Variants in AKAIN1 observed in about 807,000 individuals in gnomAD.
The protein encoded by AKAIN1 is A-kinase anchor inhibitor 1, also known as A-kinase anchor protein inhibitor 1.
Under a neutral mutation model 3.7 loss-of-function variants are expected in AKAIN1, and 3 were observed. That is an observed-to-expected ratio of 0.82 (90% CI 0.37 to 2.12). AKAIN1 has a LOEUF of 2.12. AKAIN1 is among the 30% of genes most tolerant of loss of function. The probability of loss-of-function intolerance (pLI) is 0.06; values close to 1 mark genes in which losing one functional copy is unlikely to be tolerated. For missense variants in AKAIN1, 82 were observed against 82.7 expected (o/e 0.99, Z 0.03); for synonymous variants, 31 against 30.8 (o/e 1.01, Z -0.02).
intron 1 of AKAIN1, among the ~76,000 whole-genome samples, chr18:5,150,013 T>C (rs937409620): frequency 6.6e-6 from 1 of 152,196 alleles, no homozygotes; most frequent in Non-Finnish European, 1.5e-5. Flanking sequence ...ATAGGTTGAA[T>C]AACAAGGTTT....
rs1443609504 is a variant in AKAIN1, at chr18:5,172,495, T to C, written c.16+24543A>G. Reference sequence around the variant, plus strand: ...TAAAGAATGACTCATCTTTGATAATTAGTCATATTGATTTCTTGTGGCATT... The same window carrying C: ...TAAAGAATGACTCATCTTTGATAATCAGTCATATTGATTTCTTGTGGCATT... On this transcript the variant is annotated intron_variant, in intron 1 of 1. Transcript: ENST00000434239. Among the ~76,000 whole-genome samples, 3 of 152,090 alleles carry C rather than the reference T, an allele frequency of 2.0e-5. No homozygotes were observed. In the East Asian group the frequency reaches 5.8e-4, roughly 29 times the overall value.
chr18:5,193,979 T>C (rs117202187), intron 1 of AKAIN1, among the ~76,000 whole-genome samples: 2,714 of 152,210 alleles, frequency 0.018, 42 homozygotes, highest in Middle Eastern at 0.061. Context: ...ACGTTCAGTT[T>C]ATGGGGGTGG....
At chr18:5,195,471 C>T (rs1159906728) in intron 1 of AKAIN1, among the ~76,000 whole-genome samples, 1 of 152,170 alleles carries the variant, frequency 6.6e-6, no homozygotes, top group African/African-American at 2.4e-5. Flanking sequence ...AAAGGATATG[C>T]TGAGTCTCTG....
intron 1 of AKAIN1, among the ~76,000 whole-genome samples, chr18:5,185,262 T>C (rs2071280322): frequency 6.6e-6 from 1 of 152,084 alleles, no homozygotes; most frequent in African/African-American, 2.4e-5. Flanking sequence ...ACCTTGGAAA[T>C]ACCATTTGGG....
rs572080430 is a variant in AKAIN1, at chr18:5,192,385, T to TTTATTTTCTTTCTTTC, written c.16+4652_16+4653insGAAAGAAAGAAAATAA. ...GGCATGTGCAACCACACAGAGCTAA[T>TTTATTTTCTTTCTTTC]TTTCTTTCTTTCTTTCTTTCTTTCT... On this transcript the variant is annotated intron_variant, in intron 1 of 1. Coordinates refer to ENST00000434239, the MANE Select transcript of AKAIN1 (RefSeq NM_001145194.2). Among the ~76,000 whole-genome samples, 266 of 107,066 alleles carry TTTATTTTCTTTCTTTC rather than the reference T, an allele frequency of 2.5e-3. 1 individual carries two copies. Among genetic ancestry groups the TTTATTTTCTTTCTTTC allele is most frequent in the African/African-American group, 9.1e-3 (256 of 28,110 alleles). The allele number at this position is 107,066 out of a possible 152,430, so 70.2% of individuals were successfully genotyped here.
At chr18:5,185,788 T>A (rs1307249921) in intron 1 of AKAIN1, among the ~76,000 whole-genome samples, 1 of 152,028 alleles carries the variant, frequency 6.6e-6, no homozygotes, top group African/African-American at 2.4e-5. Context: ...GTTTGGTGAT[T>A]TCTCAAAGAA....
intron 1 of AKAIN1, among the ~76,000 whole-genome samples, chr18:5,156,537 C>A (rs967396545): frequency 6.6e-6 from 1 of 152,176 alleles, no homozygotes; most frequent in Non-Finnish European, 1.5e-5. Context: ...AGCTCCCAAC[C>A]TTTTGAAGAC....
At chr18:5,175,027 G>C (rs2071218332) in intron 1 of AKAIN1, among the ~76,000 whole-genome samples, 1 of 152,098 alleles carries the variant, frequency 6.6e-6, no homozygotes, top group South Asian at 2.1e-4. Context: ...AGCCGCACAG[G>C]GTCTCACACT....
At chr18:5,173,066 T>A (rs1394594530) in intron 1 of AKAIN1, among the ~76,000 whole-genome samples, 1 of 152,180 alleles carries the variant, frequency 6.6e-6, no homozygotes. Context: ...GATATTGTAA[T>A]GTGCAAAATA....
rs1384779188 is a variant in AKAIN1, at chr18:5,145,557, C to G, written c.*5G>C. ...AAGCACATGTCAAGAGCCAAATCCACCATGTTACTTCTTTTCGTGCTTCTT... is the reference window on the plus strand; with the variant it reads ...AAGCACATGTCAAGAGCCAAATCCAGCATGTTACTTCTTTTCGTGCTTCTT... On this transcript the variant is annotated 3_prime_UTR_variant, in exon 2 of 2. Transcript: ENST00000434239. 2.6e-6 allele frequency: 4 copies of G among 1,550,214 alleles called. No individual in the cohort carries two copies. In the East Asian group the frequency reaches 9.8e-5, roughly 38 times the overall value.
intron 1 of AKAIN1, among the ~76,000 whole-genome samples, chr18:5,147,533 G>A (rs534299283): frequency 6.6e-6 from 1 of 152,172 alleles, no homozygotes; most frequent in Non-Finnish European, 1.5e-5. Flanking sequence ...TCACTACCAT[G>A]AAGATGTATT....
At chr18:5,167,615 C>T (rs1246426702) in intron 1 of AKAIN1, among the ~76,000 whole-genome samples, 3 of 152,060 alleles carry the variant, frequency 2.0e-5, no homozygotes, top group South Asian at 4.1e-4. Context: ...ATAGGGCAGA[C>T]TCTCATGAGC....
At chr18:5,156,487 T>G (rs1325756400) in intron 1 of AKAIN1, among the ~76,000 whole-genome samples, 1 of 152,174 alleles carries the variant, frequency 6.6e-6, no homozygotes, top group Non-Finnish European at 1.5e-5. Context: ...AATTATCCTC[T>G]GCCATAAAAT....
intron 1 of AKAIN1, among the ~76,000 whole-genome samples, chr18:5,165,064 G>T (rs905834232): frequency 2.0e-5 from 3 of 151,814 alleles, no homozygotes; most frequent in Non-Finnish European, 2.9e-5. Context: ...GTGTACAATT[G>T]GTGTCTCTCT....
chr18:5,179,397 G>A lies in AKAIN1; in HGVS notation c.16+17641C>T, dbSNP rs114696260. Among the ~76,000 whole-genome samples, 886 of 143,306 alleles carry A rather than the reference G, an allele frequency of 6.2e-3. 10 individuals are homozygous for A. The highest frequency in any genetic ancestry group is 0.022 in the African/African-American group (830 of 37,560). 94.0% of individuals were successfully genotyped at this position (143,306 alleles called of 152,430 possible). On this transcript the variant is annotated intron_variant, in intron 1 of 1. Coordinates refer to ENST00000434239, the MANE Select transcript of AKAIN1 (RefSeq NM_001145194.2). The stretch of plus-strand genomic sequence containing the variant: ...TGATTTCCTTCATTTTTATGGCTGA[G>A]TATATGTATGTATGTATGTATGTGT...
intron 1 of AKAIN1, among the ~76,000 whole-genome samples, chr18:5,154,331 C>CT: frequency 6.6e-6 from 1 of 152,002 alleles, no homozygotes. Context: ...TAAATATTTC[C>CT]TTTTTCTGAG....
upstream of AKAIN1, chr18:5,197,286 G>A (rs1056797282): frequency 7.3e-7 from 1 of 1,371,574 alleles, no homozygotes; most frequent in Non-Finnish European, 9.3e-7. The surrounding 1 kb of genome is among the most constrained non-coding windows in gnomAD (Gnocchi z 6.9). Context: ...GGAGGAGGAG[G>A]GTGAATCCCC....
chr18:5,185,321 C>T lies in AKAIN1; in HGVS notation c.16+11717G>A, dbSNP rs549975269. ...ATGAAGAAGATGCCAAAAACAATTG[C>T]GACAAAAACAAAAATTGACAAACAT... On this transcript the variant is annotated intron_variant, in intron 1 of 1. Coordinates refer to ENST00000434239, the MANE Select transcript of AKAIN1 (RefSeq NM_001145194.2). Among the ~76,000 whole-genome samples, 15 of 152,120 alleles carry T rather than the reference C, an allele frequency of 9.9e-5. 1 individual carries two copies. In the South Asian group the frequency reaches 2.1e-3, roughly 21 times the overall value.
chr18:5,189,088 G>A (rs187317579), intron 1 of AKAIN1, among the ~76,000 whole-genome samples: 1 of 152,264 alleles, frequency 6.6e-6, no homozygotes, highest in Admixed American at 6.5e-5. Context: ...TTTGAGCCAT[G>A]GCTGGAGCAG....
Sources: gnomAD v4.1 joint callset for allele counts (sites outside exome capture counted in the v4.1 genomes callset) on GRCh38, gnomAD v4.1.1 for gene constraint, Gnocchi (gnomAD v3.1) non-coding constraint, MANE v1.5 for transcripts, NCBI Gene and HGNC (gene_info 2026-07-23, HGNC 2026-07-21) for gene names.